The following EFCAB13 variants were observed in gnomAD, a reference collection of about 807,000 sequenced individuals.
EFCAB13 encodes EF-hand calcium binding domain 13.
Under a neutral mutation model 110.2 loss-of-function variants are expected in EFCAB13, and 91 were observed. The observed-to-expected ratio is 0.83, with a 90% CI of 0.70 to 0.98. The LOEUF is 0.98. EFCAB13 is among the 50% of genes least tolerant of loss of function. The pLI is 0.00. For missense variants in EFCAB13, 968 were observed against 1,119.4 expected (o/e 0.86, Z 1.93); for synonymous variants, 323 against 369.9 (o/e 0.87, Z 1.45).
At chr17:47,408,907 A>G (rs889158448) in intron 20 of EFCAB13, among the ~76,000 whole-genome samples, 12 of 152,184 alleles carry the variant, frequency 7.9e-5, no homozygotes, top group African/African-American at 2.9e-4. Flanking sequence ...AATCCTGTTT[A>G]GAGTTATCAT....
chr17:47,408,081 T>G (rs962042049), intron 20 of EFCAB13, among the ~76,000 whole-genome samples: 1 of 152,236 alleles, frequency 6.6e-6, no homozygotes, highest in African/African-American at 2.4e-5. Context: ...ATAATTTTAT[T>G]TCAAAGTTAA....
At position 47,327,848 on chromosome 17, in the gene EFCAB13, A is replaced by G. The variant is rs1598714120; in HGVS notation, c.-85-421A>G. ...CTTGGAGTTAAATTGTCTGAATTCA[A>G]ATTCTGTCTCTACTATTTGCTGGCT... On this transcript the variant is annotated intron_variant, in intron 3 of 24. Transcript: ENST00000331493. Among the ~76,000 whole-genome samples the G allele has an allele frequency of 2.6e-5, 4 of 152,308 alleles. No individual in the cohort carries two copies. In the East Asian group the frequency reaches 7.7e-4, roughly 29 times the overall value.
intron 5 of EFCAB13, among the ~76,000 whole-genome samples, chr17:47,336,109 G>A (rs1354686306): frequency 6.6e-6 from 1 of 151,638 alleles, no homozygotes; most frequent in Non-Finnish European, 1.5e-5. Flanking sequence ...TGTCTTCCAT[G>A]AAATTAAGAT....
chr17:47,379,385 C>T, intron 14 of EFCAB13, 132 bp downstream of exon 14: 1 of 620,430 alleles, frequency 1.6e-6, no homozygotes. Flanking sequence ...AAGTCAGTTG[C>T]CAGTTTTTAA....
chr17:47,381,956 A>T (rs2065649337), intron 14 of EFCAB13, among the ~76,000 whole-genome samples: 1 of 152,250 alleles, frequency 6.6e-6, no homozygotes. Flanking sequence ...CAAGATGGCC[A>T]TTTTCATGAT....
chr17:47,325,954 A>G (rs1011184054), intron 2 of EFCAB13, among the ~76,000 whole-genome samples: 1 of 94,644 alleles, frequency 1.1e-5, no homozygotes, highest in Non-Finnish European at 2.3e-5. Flanking sequence ...ATATATATAT[A>G]TATATATAGC....
intron 23 of EFCAB13, among the ~76,000 whole-genome samples, chr17:47,421,726 G>A (rs2143495887): frequency 6.6e-6 from 1 of 151,202 alleles, no homozygotes; most frequent in South Asian, 2.1e-4. Context: ...AAGATACTAA[G>A]AGGATCTTAT....
At chr17:47,433,481 CGT>C (rs1302968772) in intron 24 of EFCAB13, among the ~76,000 whole-genome samples, 1 of 151,998 alleles carries the variant, frequency 6.6e-6, no homozygotes, top group Admixed American at 6.6e-5. Context: ...AATTTGGGGA[CGT>C]GTGTTAAAAT....
rs781776880 is a variant in EFCAB13, at chr17:47,344,309, A to G, written c.434+17A>G. The G allele has an allele frequency of 1.2e-6, 2 of 1,604,966 alleles. No homozygotes were observed. Among genetic ancestry groups the G allele is most frequent in the East Asian group, 4.5e-5 (2 of 44,570 alleles). ...AATTACTCGGTATTTAAATCCTTGT[A>G]CTCTATTTTTTAAATGTTGGGTTCA... is the stretch of plus-strand genomic sequence containing the variant. On this transcript the variant is annotated intron_variant, in intron 7 of 24. Coordinates refer to ENST00000331493, the MANE Select transcript of EFCAB13 (RefSeq NM_152347.5).
rs2065603733 is a variant in EFCAB13, at chr17:47,374,623, C to A, written c.1029C>A (p.Asn343Lys). The A allele has an allele frequency of 6.2e-7, 1 of 1,604,314 alleles. No homozygotes were observed. Among genetic ancestry groups the A allele is most frequent in the Non-Finnish European group, 8.5e-7 (1 of 1,177,692 alleles). ...SISKKLNKKS[N>K]QYYSKIMEND... ...CCAAAAAGTTAAATAAAAAAAGCAACCAATATTATAGCAAAATTATGGAGA... is the reference window on the plus strand; with the variant it reads ...CCAAAAAGTTAAATAAAAAAAGCAAACAATATTATAGCAAAATTATGGAGA... The change falls in exon 12 of 25, where the codon AAC becomes AAA. Residue 343 changes from asparagine (N) to lysine (K), a missense_variant. By Grantham distance (94) the Asn-to-Lys change is moderately conservative (BLOSUM62 0). Coordinates refer to ENST00000331493, the MANE Select transcript of EFCAB13 (RefSeq NM_152347.5).
intron 5 of EFCAB13, among the ~76,000 whole-genome samples, chr17:47,337,705 G>C (rs762177166): frequency 2.0e-5 from 3 of 152,056 alleles, no homozygotes; most frequent in Non-Finnish European, 4.4e-5. Flanking sequence ...GTACTCTGAA[G>C]AACAAAGGAG....
At chr17:47,387,954 G>A (rs556651033) in intron 14 of EFCAB13, among the ~76,000 whole-genome samples, 1 of 152,200 alleles carries the variant, frequency 6.6e-6, no homozygotes, top group African/African-American at 2.4e-5. Context: ...AAATGGGGAG[G>A]TCTCAAAAGC....
intron 4 of EFCAB13, among the ~76,000 whole-genome samples, chr17:47,334,395 A>C (rs757602946): frequency 6.6e-6 from 1 of 152,154 alleles, no homozygotes; most frequent in Non-Finnish European, 1.5e-5. Flanking sequence ...ATTTTCTCCC[A>C]GTCTGTGACT....
chr17:47,401,640 CTTTT>C (rs763737651), intron 17 of EFCAB13, among the ~76,000 whole-genome samples: 248 of 84,504 alleles, frequency 2.9e-3, no homozygotes, highest in African/African-American at 0.011. Context: ...CTCAGCCTGA[CTTTT>C]TTTTTTTTTT....
chr17:47,422,560 ATCAAT>A (rs1321824257), intron 23 of EFCAB13, among the ~76,000 whole-genome samples: 2 of 152,208 alleles, frequency 1.3e-5, no homozygotes, highest in African/African-American at 2.4e-5. Flanking sequence ...TTGACACATG[ATCAAT>A]TTAATATAAT....
intron 4 of EFCAB13, 102 bp downstream of exon 4, chr17:47,328,485 T>G: frequency 1.1e-6 from 1 of 944,288 alleles, no homozygotes; most frequent in Non-Finnish European, 1.6e-6. Context: ...CATAGAGTAA[T>G]AGTTATAAGG....
In EFCAB13 at chr17:47,387,922, T is replaced by C. The variant is rs143625200; in HGVS notation, c.1583-3515T>C. Among the ~76,000 whole-genome samples, 1,369 of 152,346 alleles carry C rather than the reference T, an allele frequency of 9.0e-3. 13 individuals are homozygous for C. The highest frequency in any genetic ancestry group is 0.014 in the Non-Finnish European group (979 of 68,030). ...CCCAGATTTGCCTTGGCTTCACAAC[T>C]GTTCAGAGTCCTGCATGTCTCAAAT... On this transcript the variant is annotated intron_variant, in intron 14 of 24. Transcript: ENST00000331493.
intron 14 of EFCAB13, among the ~76,000 whole-genome samples, chr17:47,384,074 C>T (rs1337566716): frequency 2.0e-5 from 3 of 151,572 alleles, no homozygotes; most frequent in Non-Finnish European, 1.5e-5. Context: ...TTGCATTAAT[C>T]CCTTCTTTGT....
At chr17:47,354,719 A>T (rs2065470793) in intron 9 of EFCAB13, among the ~76,000 whole-genome samples, 2 of 152,178 alleles carry the variant, frequency 1.3e-5, no homozygotes, top group Admixed American at 1.3e-4. Context: ...TGCATGGTGT[A>T]TCTTTTTCCA....
Sources: gnomAD v4.1 joint callset for allele counts (sites outside exome capture counted in the v4.1 genomes callset) on GRCh38, gnomAD v4.1.1 for gene constraint, MANE v1.5 for transcripts, NCBI Gene and HGNC (gene_info 2026-07-23, HGNC 2026-07-21) for gene names.